PTPRQ: variants seen among roughly 807,000 people sequenced by gnomAD.
The protein encoded by PTPRQ is protein tyrosine phosphatase receptor type Q, also known as phosphatidylinositol phosphatase PTPRQ.
PTPRQ carries 199 observed loss-of-function variants against 246.0 expected under a neutral mutation model. The observed-to-expected ratio is 0.81, with a 90% CI of 0.72 to 0.91. The LOEUF is 0.91. Ranked by LOEUF, PTPRQ falls within the 40% of genes least tolerant of loss-of-function variation. The probability of loss-of-function intolerance (pLI) is 0.00; values close to 1 mark genes in which losing one functional copy is unlikely to be tolerated. For missense variants in PTPRQ, 2,624 were observed against 2,528.4 expected (o/e 1.04, Z -0.81); for synonymous variants, 869 against 853.2 (o/e 1.02, Z -0.32).
chr12:80,670,223 TA>T (rs1900925399), intron 41 of PTPRQ, 120 bp from the exon 42 acceptor site: 1 of 1,377,234 alleles, frequency 7.3e-7, no homozygotes, highest in Non-Finnish European at 9.8e-7. Flanking sequence ...GAAAACATTT[TA>T]TTTGGTTTGG....
rs112512031 is a variant in PTPRQ, at chr12:80,477,663, GGTGTGCGCACC to G, written c.1186+5420_1186+5430del. Among the ~76,000 whole-genome samples the G allele has an allele frequency of 7.9e-4, 121 of 152,254 alleles. 1 individual carries two copies. Among genetic ancestry groups the G allele is most frequent in the African/African-American group, 2.9e-3 (119 of 41,566 alleles). On this transcript the variant is annotated intron_variant, in intron 8 of 44. Transcript: ENST00000644991. ...GCCAGACAGTGGGCGCAGGTCAGTG[GGTGTGCGCACC>G]GTGTGCGAGCCGAAGCAGGGCGAGG...
At chr12:80,550,413 C>A (rs76243369) in intron 25 of PTPRQ, among the ~76,000 whole-genome samples, 1 of 152,250 alleles carries the variant, frequency 6.6e-6, no homozygotes, top group African/African-American at 2.4e-5. Context: ...TTGGAAACGT[C>A]TTTCAAGCCG....
chr12:80,479,969 C>A (rs974346159), intron 8 of PTPRQ, among the ~76,000 whole-genome samples: 1 of 151,864 alleles, frequency 6.6e-6, no homozygotes, highest in Non-Finnish European at 1.5e-5. Context: ...ATCAACAAGA[C>A]AGAAAGTCAA....
At chr12:80,606,856 C>A (rs1428295288) in intron 27 of PTPRQ, among the ~76,000 whole-genome samples, 1 of 150,282 alleles carries the variant, frequency 6.7e-6, no homozygotes, top group Non-Finnish European at 1.5e-5. Context: ...TGATGAATGC[C>A]CTGGGAATAT....
At chr12:80,525,233 G>A (rs565625936) in intron 17 of PTPRQ, among the ~76,000 whole-genome samples, 4 of 152,176 alleles carry the variant, frequency 2.6e-5, no homozygotes, top group African/African-American at 9.6e-5. Context: ...CGGAACTATT[G>A]AAATAAGGGA....
intron 17 of PTPRQ, among the ~76,000 whole-genome samples, chr12:80,529,665 G>A (rs1895787387): frequency 6.6e-6 from 1 of 151,512 alleles, no homozygotes; most frequent in African/African-American, 2.4e-5. Context: ...AATGTGGTAT[G>A]TCTTTTGAAA....
At chr12:80,525,477 G>A (rs1171102547) in intron 17 of PTPRQ, among the ~76,000 whole-genome samples, 1 of 152,136 alleles carries the variant, frequency 6.6e-6, no homozygotes, top group African/African-American at 2.4e-5. Context: ...TGGAGAGCTG[G>A]TTAGGCCATA....
intron 12 of PTPRQ, among the ~76,000 whole-genome samples, chr12:80,495,608 G>C (rs1592581703): frequency 6.6e-6 from 1 of 152,052 alleles, no homozygotes; most frequent in Middle Eastern, 3.4e-3. Context: ...CAGATCACAA[G>C]CTTCATAGAA....
chr12:80,463,579 G>T (rs1161385126), intron 6 of PTPRQ, among the ~76,000 whole-genome samples: 1 of 151,970 alleles, frequency 6.6e-6, no homozygotes, highest in Non-Finnish European at 1.5e-5. Flanking sequence ...ATTCACCAAA[G>T]TTGAAATGAA....
chr12:80,671,155 A>G (rs964988483), intron 42 of PTPRQ, among the ~76,000 whole-genome samples: 1 of 152,102 alleles, frequency 6.6e-6, no homozygotes, highest in Non-Finnish European at 1.5e-5. Context: ...CATTTTCCAT[A>G]AATTTCTGGA....
intron 25 of PTPRQ, among the ~76,000 whole-genome samples, chr12:80,570,914 T>G (rs1897127437): frequency 6.6e-6 from 1 of 152,200 alleles, no homozygotes; most frequent in African/African-American, 2.4e-5. Context: ...GCTTTATTTC[T>G]GAGGCCTCTG....
At chr12:80,662,011 G>T (rs561744445) in intron 39 of PTPRQ, among the ~76,000 whole-genome samples, 3 of 152,008 alleles carry the variant, frequency 2.0e-5, no homozygotes, top group East Asian at 3.9e-4. Flanking sequence ...CAGTGTTCTA[G>T]TCTCTAGGCC....
chr12:80,463,743 C>T (rs1893292264), intron 6 of PTPRQ, among the ~76,000 whole-genome samples: 1 of 151,098 alleles, frequency 6.6e-6, no homozygotes, highest in East Asian at 1.9e-4. Flanking sequence ...ATTTTCAATC[C>T]AGAATTTCAT....
intron 23 of PTPRQ, among the ~76,000 whole-genome samples, chr12:80,545,761 A>G (rs1242794028): frequency 6.8e-6 from 1 of 147,660 alleles, no homozygotes; most frequent in Non-Finnish European, 1.5e-5. Flanking sequence ...AATAATAATA[A>G]TTTATTATTA....
chr12:80,587,108 G>A (rs1371047127), intron 25 of PTPRQ, among the ~76,000 whole-genome samples: 1 of 151,906 alleles, frequency 6.6e-6, no homozygotes, highest in Non-Finnish European at 1.5e-5. Flanking sequence ...AGGAATTTTT[G>A]TCTGTTTTGT....
At chr12:80,523,558 T>C (rs1895580596) in intron 17 of PTPRQ, among the ~76,000 whole-genome samples, 1 of 152,176 alleles carries the variant, frequency 6.6e-6, no homozygotes, top group South Asian at 2.1e-4. Context: ...TATTCTGGTA[T>C]GTTGTGTCTT....
intron 43 of PTPRQ, among the ~76,000 whole-genome samples, chr12:80,675,793 C>T (rs1471310185): frequency 6.6e-6 from 1 of 152,084 alleles, no homozygotes; most frequent in Non-Finnish European, 1.5e-5. Context: ...AGGGGTGGGG[C>T]AGGGATTAGA....
At position 80,445,518 on chromosome 12, in the gene PTPRQ, G is replaced by A. The variant is rs1176682871; in HGVS notation, c.191G>A (p.Gly64Glu). Residue 64 changes from glycine (G) to glutamate (E), a missense_variant, in exon 3 of 45, where the codon GGG becomes GAG. Coordinates refer to ENST00000644991, the MANE Select transcript of PTPRQ (RefSeq NM_001145026.2). ...TKPGPPVFLAGERVGSAGILL... is the reference protein window; with the variant it reads ...TKPGPPVFLAEERVGSAGILL... ...CCAGGGCCTCCAGTCTTCCTAGCCG[G>A]GGAAAGAGTCGGATCTGCTGGGATT... The A allele has an allele frequency of 6.5e-7, 1 of 1,546,478 alleles. No homozygotes were observed.
chr12:80,668,187 A>G (rs916927989), intron 39 of PTPRQ, among the ~76,000 whole-genome samples: 4 of 151,908 alleles, frequency 2.6e-5, no homozygotes, highest in Admixed American at 1.3e-4. Flanking sequence ...TAACTTATAC[A>G]TTACCTTTCT....
Sources: allele counts gnomAD v4.1 joint callset (sites outside exome capture counted in the v4.1 genomes callset), GRCh38; gene constraint gnomAD v4.1.1; transcripts MANE v1.5; gene names NCBI Gene and HGNC (gene_info 2026-07-23, HGNC 2026-07-21).